The following EDNRA variants were observed in gnomAD, a reference collection of about 807,000 sequenced individuals.
EDNRA encodes endothelin receptor type A.
EDNRA carries 11 observed loss-of-function variants against 41.4 expected under a neutral mutation model. The ratio of observed to expected loss-of-function variants is 0.27; its 90% CI spans 0.17 to 0.44. The LOEUF (loss-of-function observed/expected upper bound fraction) is 0.44. Ranked by LOEUF, EDNRA falls within the 20% of genes least tolerant of loss-of-function variation. The pLI is 1.00. For synonymous variants in EDNRA, 172 were observed against 183.0 expected, an observed-to-expected ratio of 0.94 and a Z score of 0.49; for missense variants, 294 against 531.0, an observed-to-expected ratio of 0.55 and a Z score of 4.39.
intron 2 of EDNRA, among the ~76,000 whole-genome samples, chr4:147,518,636 G>C (rs1486362097): frequency 2.0e-5 from 3 of 151,940 alleles, no homozygotes; most frequent in Admixed American, 1.3e-4. Flanking sequence ...TCTTTCAAAG[G>C]ACTCGTGTTA....
At chr4:147,500,901 C>T (rs974329549) in intron 2 of EDNRA, among the ~76,000 whole-genome samples, 3 of 152,156 alleles carry the variant, frequency 2.0e-5, no homozygotes, top group African/African-American at 7.2e-5. Flanking sequence ...GTAGTTCCAA[C>T]TATGTGAAAG....
intron 4 of EDNRA, among the ~76,000 whole-genome samples, chr4:147,533,304 A>T (rs1730815548): frequency 6.6e-6 from 1 of 152,182 alleles, no homozygotes; most frequent in South Asian, 2.1e-4. Context: ...TTTTTTTAGT[A>T]CACCTGACCA....
chr4:147,483,040 C>T (rs1728825945), intron 1 of EDNRA, among the ~76,000 whole-genome samples: 1 of 152,190 alleles, frequency 6.6e-6, no homozygotes, highest in African/African-American at 2.4e-5. Flanking sequence ...GAAAGTATTT[C>T]TTCTCCCCCC....
intron 2 of EDNRA, among the ~76,000 whole-genome samples, chr4:147,508,165 G>T (rs1340880229): frequency 1.3e-5 from 2 of 151,980 alleles, no homozygotes; most frequent in African/African-American, 4.8e-5. Context: ...TTGAAATGGA[G>T]TCTCGCTCTG....
rs1728929405 is a variant in EDNRA at position 147,485,888 on chromosome 4, C to G, written c.207C>G (p.Cys69Trp). ...GCAATGGCTCAATGCACAACTATTG[C>G]CCACAGCAGACTAAAATTACTTCAG... ...LPSNGSMHNY[C>W]PQQTKITSAF... The change falls in exon 2 of 8, where the codon TGC becomes TGG. Residue 69 changes from cysteine (C) to tryptophan (W), a missense_variant. Cys to Trp is a radical substitution (Grantham distance 215). Transcript: ENST00000651419. The G allele has an allele frequency of 6.2e-7, 1 of 1,614,242 alleles. No homozygotes were observed. The highest frequency in any genetic ancestry group is 8.5e-7 in the Non-Finnish European group (1 of 1,180,046).
rs1005754531 is a variant in EDNRA, at chr4:147,516,637, A to C, written c.421-3214A>C. Among the ~76,000 whole-genome samples the C allele has an allele frequency of 9.8e-5, 15 of 152,324 alleles. No individual in the cohort carries two copies. In the East Asian group the frequency reaches 2.9e-3, roughly 29 times the overall value. On this transcript the variant is annotated intron_variant, in intron 2 of 7. Coordinates refer to ENST00000651419, the MANE Select transcript of EDNRA (RefSeq NM_001957.4). ...TACATAGACTCTTGTAGCAAAAATA[A>C]GCTATGACTGATCTGAGGTGCCTGA...
chr4:147,534,252 C>T lies in EDNRA; in HGVS notation c.747+1548C>T, dbSNP rs1730845514. Among the ~76,000 whole-genome samples, 4 of 152,276 alleles carry T rather than the reference C, an allele frequency of 2.6e-5. No homozygotes were observed. The South Asian group carries it at 8.3e-4, about 32-fold the overall frequency. Reference sequence around the variant, plus strand: ...GATACAAAAGAAGGGAGAATGGGTGCTCAAAGGAGTGTTCGTGTTGCACTT... The same window carrying T: ...GATACAAAAGAAGGGAGAATGGGTGTTCAAAGGAGTGTTCGTGTTGCACTT... On this transcript the variant is annotated intron_variant, in intron 4 of 7. Coordinates refer to ENST00000651419, the MANE Select transcript of EDNRA (RefSeq NM_001957.4).
intron 6 of EDNRA, 86 bp from the exon 7 acceptor site, chr4:147,540,291 A>C (rs1226320917): frequency 1.7e-6 from 2 of 1,155,086 alleles, no homozygotes; most frequent in Non-Finnish European, 2.4e-6. Flanking sequence ...TGGGCAAGAA[A>C]AATGCTTATT....
Position 147,542,441 on chromosome 4 carries a change from T to C in EDNRA, c.1144-37T>C, listed in dbSNP as rs186360207. 5.6e-3 allele frequency: 9,049 copies of C among 1,613,116 alleles called. 36 individuals are homozygous for C. The highest frequency in any genetic ancestry group is 7.0e-3 in the Non-Finnish European group (8,253 of 1,179,496). ...CTGTGTTTGGCCGGGAATGGGCTGG[T>C]AGGCTCGCCTTACTTCGAGTCTGTT... On this transcript the variant is annotated intron_variant, in intron 7 of 7. Coordinates refer to ENST00000651419, the MANE Select transcript of EDNRA (RefSeq NM_001957.4).
chr4:147,495,944 G>A (rs1729286543), intron 2 of EDNRA: 1 of 152,182 alleles, frequency 6.6e-6, no homozygotes, highest in African/African-American at 2.4e-5. Flanking sequence ...AATTTTTAAA[G>A]ATTTGCATAT....
chr4:147,537,895 T>C (rs975908463), intron 5 of EDNRA, among the ~76,000 whole-genome samples: 1 of 127,124 alleles, frequency 7.9e-6, no homozygotes, highest in East Asian at 2.2e-4. Flanking sequence ...GTCCTGCAGA[T>C]GGGACTGCGG....
chr4:147,505,327 AT>A (rs869077171), intron 2 of EDNRA, among the ~76,000 whole-genome samples: 302 of 79,672 alleles, frequency 3.8e-3, no homozygotes, highest in East Asian at 0.037. Context: ...TTCTTTTTTC[AT>A]TTTTTTTTTT....
intron 2 of EDNRA, among the ~76,000 whole-genome samples, chr4:147,504,861 G>A (rs1729633278): frequency 6.8e-6 from 1 of 147,254 alleles, no homozygotes; most frequent in African/African-American, 2.6e-5. Context: ...TGGAGGCTGA[G>A]GCTGTAGAAT....
intron 2 of EDNRA, among the ~76,000 whole-genome samples, chr4:147,508,655 C>T (rs904451752): frequency 6.6e-6 from 1 of 152,178 alleles, no homozygotes; most frequent in South Asian, 2.1e-4. Context: ...AGGCAGGCAT[C>T]TAAGTTATTT....
intron 2 of EDNRA, among the ~76,000 whole-genome samples, chr4:147,517,189 T>G (rs1048784661): frequency 1.3e-5 from 2 of 152,206 alleles, no homozygotes; most frequent in Non-Finnish European, 2.9e-5. Context: ...TTTTAAGTGC[T>G]AGTAAATAAC....
chr4:147,509,197 C>CT (rs1273144774), intron 2 of EDNRA, among the ~76,000 whole-genome samples: 1 of 152,104 alleles, frequency 6.6e-6, no homozygotes, highest in African/African-American at 2.4e-5. Flanking sequence ...GATCCTATGA[C>CT]TTTGTTCAAG....
intron 2 of EDNRA, among the ~76,000 whole-genome samples, chr4:147,505,570 G>A (rs920365336): frequency 6.6e-6 from 1 of 150,658 alleles, no homozygotes; most frequent in Admixed American, 6.6e-5. Context: ...TCGAACCCCA[G>A]GCCTCAGGCG....
At chr4:147,542,346 G>A (rs139805989) in intron 7 of EDNRA, 132 bp from the exon 8 acceptor site, 166 of 1,254,284 alleles carry the variant, frequency 1.3e-4, no homozygotes, top group Admixed American at 2.9e-4. Flanking sequence ...TCCACTCTAG[G>A]TTACTGTCAA....
chr4:147,532,596 C>G lies in EDNRA; in HGVS notation c.639C>G (p.Ser213=), dbSNP rs17852057. The G allele has an allele frequency of 6.2e-7, 1 of 1,614,092 alleles. No individual in the cohort carries two copies. Among genetic ancestry groups the G allele is most frequent in the Non-Finnish European group, 8.5e-7 (1 of 1,180,022 alleles). The change falls in exon 4 of 8, where the codon TCC becomes TCG. Residue 213 remains serine, a synonymous_variant. Transcript: ENST00000651419. ...AAATTGTCTCCATCTGGATCCTGTC[C>G]TTTATCCTGGCCATTCCTGAAGCGA... is the stretch of plus-strand genomic sequence containing the variant. The part of the protein sequence containing the change: ...AIEIVSIWIL[S]FILAIPEAIG...
Sources: allele counts gnomAD v4.1 joint callset (sites outside exome capture counted in the v4.1 genomes callset), GRCh38; gene constraint gnomAD v4.1.1; transcripts MANE v1.5; gene names NCBI Gene and HGNC (gene_info 2026-07-23, HGNC 2026-07-21).